The following BABAM2 variants were observed in gnomAD, a reference collection of about 807,000 sequenced individuals.
BABAM2 encodes the protein BRISC and BRCA1 A complex member 2.
In BABAM2, 31 loss-of-function variants were observed where a neutral mutation model predicts 54.7. That is an observed-to-expected ratio of 0.57 (90% CI 0.43 to 0.77). The LOEUF is 0.77. Ranked by LOEUF, BABAM2 falls within the 30% of genes least tolerant of loss-of-function variation. The pLI, the probability that BABAM2 is intolerant of heterozygous loss-of-function variation, is 0.00. For missense variants in BABAM2, 364 were observed against 455.8 expected, an observed-to-expected ratio of 0.80 and a Z score of 1.83; for synonymous variants, 167 against 162.9, an observed-to-expected ratio of 1.03 and a Z score of -0.19.
chr2:28,310,205 G>T, intron 11 of BABAM2: 2 of 1,572,104 alleles, frequency 1.3e-6, no homozygotes, highest in Non-Finnish European at 8.7e-7. Context: ...GCAGTGAAAT[G>T]ATAAGCTCCA....
At chr2:28,254,942 G>A (rs1683842259) in intron 10 of BABAM2, among the ~76,000 whole-genome samples, 1 of 151,822 alleles carries the variant, frequency 6.6e-6, no homozygotes, top group Non-Finnish European at 1.5e-5. Context: ...TCACTATGTT[G>A]CCCAGGCTTG....
intron 3 of BABAM2, among the ~76,000 whole-genome samples, chr2:27,932,902 T>C (rs1280856277): frequency 6.6e-6 from 1 of 152,370 alleles, no homozygotes; most frequent in Middle Eastern, 3.4e-3. Context: ...AGCAATTTGC[T>C]AAACTTTCTC....
chr2:28,016,553 C>T lies in BABAM2; in HGVS notation c.301-8673C>T, dbSNP rs547410207. ...GGAGAGATGGCCGAAGCGGGCCCGC[C>T]GCAGGTGCATTTCTTTCTAATTAAC... On this transcript the variant is annotated intron_variant, in intron 4 of 11. Transcript: ENST00000379624. The T allele has an allele frequency of 2.0e-4, 126 of 619,468 alleles. No individual in the cohort carries two copies. The Middle Eastern group carries it at 2.6e-3, about 13-fold the overall frequency. The allele number at this position is 619,468 out of a possible 1,614,324, so 38.4% of individuals were successfully genotyped here. A position where few individuals can be genotyped will look rare whatever the true frequency, so the allele number is the denominator to read the frequency against.
chr2:28,069,791 G>A (rs576643689), intron 6 of BABAM2, among the ~76,000 whole-genome samples: 48 of 152,276 alleles, frequency 3.2e-4, no homozygotes, highest in South Asian at 4.1e-4. Flanking sequence ...GTTAATACAT[G>A]TAACTGGTTA....
At chr2:28,013,694 TACACACACACACACACACACAC>T (rs56148921) in intron 4 of BABAM2, among the ~76,000 whole-genome samples, 2 of 105,996 alleles carry the variant, frequency 1.9e-5, no homozygotes, top group African/African-American at 7.1e-5. Context: ...AAAAAGCTCT[TACACACACACACACACACACAC>T]ACACACACAC....
intron 6 of BABAM2, among the ~76,000 whole-genome samples, chr2:28,126,193 G>C (rs1041095709): frequency 6.6e-6 from 1 of 151,484 alleles, no homozygotes; most frequent in Non-Finnish European, 1.5e-5. Context: ...TGCACAATGT[G>C]CAGGTTAGTT....
At chr2:27,993,544 C>G (rs1672923860) in intron 4 of BABAM2, among the ~76,000 whole-genome samples, 1 of 152,014 alleles carries the variant, frequency 6.6e-6, no homozygotes, top group Non-Finnish European at 1.5e-5. Flanking sequence ...TTCTTTACCC[C>G]CAAGGTAATA....
intron 10 of BABAM2, among the ~76,000 whole-genome samples, chr2:28,267,792 C>T (rs1340054685): frequency 6.6e-6 from 1 of 152,200 alleles, no homozygotes; most frequent in Non-Finnish European, 1.5e-5. Flanking sequence ...GGCTCCACCT[C>T]ACTGCAGGAA....
intron 11 of BABAM2, among the ~76,000 whole-genome samples, chr2:28,301,632 C>T (rs536125074): frequency 1.3e-5 from 2 of 152,272 alleles, no homozygotes; most frequent in East Asian, 3.9e-4. Flanking sequence ...TTTCCTCCCA[C>T]CCTCTTTCTG....
intron 7 of BABAM2, chr2:28,233,066 A>G (rs2148046705): frequency 3.0e-6 from 1 of 329,096 alleles, no homozygotes; most frequent in African/African-American, 2.2e-5. Flanking sequence ...AACTAATTTC[A>G]TGTTTTATTT....
intron 11 of BABAM2, among the ~76,000 whole-genome samples, chr2:28,314,524 A>G (rs1397064341): frequency 6.6e-6 from 1 of 152,208 alleles, no homozygotes; most frequent in Non-Finnish European, 1.5e-5. Flanking sequence ...GGCATGCCCC[A>G]GTGTGGATTT....
chr2:27,959,500 A>G lies in BABAM2; in HGVS notation c.206-28493A>G, dbSNP rs114129346. Among the ~76,000 whole-genome samples the G allele has an allele frequency of 5.2e-3, 790 of 151,744 alleles. 5 individuals carry two copies. The highest frequency in any genetic ancestry group is 0.018 in the African/African-American group (744 of 41,422). ...GGTTATCAGGAGTCTAATATATTTC[A>G]CTTTTAATCTCTGTCACATGCTTCT... is the stretch of plus-strand genomic sequence containing the variant. On this transcript the variant is annotated intron_variant, in intron 3 of 11. Transcript: ENST00000379624.
intron 6 of BABAM2, among the ~76,000 whole-genome samples, chr2:28,103,672 A>G (rs1167077257): frequency 6.6e-6 from 1 of 152,094 alleles, no homozygotes; most frequent in Non-Finnish European, 1.5e-5. Context: ...TTCAACCATC[A>G]CTGAAGTGGG....
At chr2:28,162,546 A>G (rs1673202875) in intron 7 of BABAM2, among the ~76,000 whole-genome samples, 1 of 152,206 alleles carries the variant, frequency 6.6e-6, no homozygotes, top group Non-Finnish European at 1.5e-5. Context: ...CCAGCGAATG[A>G]TAGCTCTTCC....
rs72855697 is a variant in BABAM2, at chr2:28,232,900, A to G, written c.681-4302A>G. The stretch of plus-strand genomic sequence containing the variant: ...TACATTCAGTATAGACAGTTCTTAC[A>G]TTTGAGTTTTAGAGCCAACAAGACT... On this transcript the variant is annotated intron_variant, in intron 7 of 11. Transcript: ENST00000379624. Among the ~76,000 whole-genome samples the G allele has an allele frequency of 9.2e-3, 1,401 of 152,274 alleles. 13 individuals are homozygous for G. The highest frequency in any genetic ancestry group is 0.031 in the African/African-American group (1,307 of 41,546).
intron 7 of BABAM2, among the ~76,000 whole-genome samples, chr2:28,220,134 T>C (rs1046354301): frequency 6.6e-5 from 10 of 152,166 alleles, no homozygotes; most frequent in African/African-American, 2.2e-4. Flanking sequence ...ACGAACTGAT[T>C]GTCGAAGCCC....
intron 9 of BABAM2, 76 bp from the exon 10 acceptor site, chr2:28,244,704 A>C: frequency 7.5e-7 from 1 of 1,337,280 alleles, no homozygotes; most frequent in Non-Finnish European, 1.1e-6. Context: ...TATATTCTTT[A>C]CTTGGTTTTA....
chr2:28,042,225 A>G (rs1333792035), intron 5 of BABAM2, among the ~76,000 whole-genome samples: 1 of 152,210 alleles, frequency 6.6e-6, no homozygotes, highest in Non-Finnish European at 1.5e-5. Flanking sequence ...AGTTTTGTTT[A>G]TAGGAGTTGG....
intron 6 of BABAM2, among the ~76,000 whole-genome samples, chr2:28,062,702 C>T (rs892255921): frequency 6.6e-6 from 1 of 152,102 alleles, no homozygotes; most frequent in African/African-American, 2.4e-5. Context: ...AAGCTGAGAT[C>T]TTCACCAATT....
Sources: gnomAD v4.1 joint callset for allele counts (sites outside exome capture counted in the v4.1 genomes callset) on GRCh38, gnomAD v4.1.1 for gene constraint, MANE v1.5 for transcripts, NCBI Gene and HGNC (gene_info 2026-07-23, HGNC 2026-07-21) for gene names.